Variants in C18orf63 observed in about 807,000 individuals in gnomAD.
C18orf63 encodes chromosome 18 open reading frame 63, also known as uncharacterized protein C18orf63.
Under a neutral mutation model 75.3 loss-of-function variants are expected in C18orf63, and 50 were observed. The ratio of observed to expected loss-of-function variants is 0.66; its 90% CI spans 0.53 to 0.84. C18orf63 has a LOEUF of 0.84. Ranked by LOEUF, C18orf63 falls within the 40% of genes least tolerant of loss-of-function variation. The pLI is 0.00. For missense variants in C18orf63, 732 were observed against 800.2 expected, an observed-to-expected ratio of 0.91 and a Z score of 1.03; for synonymous variants, 232 against 267.6, an observed-to-expected ratio of 0.87 and a Z score of 1.30.
chr18:74,351,834 A>C (rs1470454138), intron 11 of C18orf63, among the ~76,000 whole-genome samples: 1 of 152,224 alleles, frequency 6.6e-6, no homozygotes. Context: ...AAAACCAGTC[A>C]TTCAAGTTTG....
chr18:74,342,006 T>G, intron 8 of C18orf63, 26 bp from the exon 9 acceptor site: 1 of 1,191,762 alleles, frequency 8.4e-7, no homozygotes, highest in Non-Finnish European at 1.2e-6. Context: ...CATTGGCTCA[T>G]AATAGCTTCC....
In C18orf63 at chr18:74,353,521, T is replaced by G. The variant is rs1447939764; in HGVS notation, c.1254T>G (p.Thr418=). The change falls in exon 12 of 14, where the codon ACT becomes ACG. Residue 418 remains threonine (T), a synonymous_variant. Transcript: ENST00000579455. ...TATTAATGCCCAACAGAGGAAATAC[T>G]CAAGTTCAGCACACAAATCTTAGCT... ...SEVLMPNRGN[T]QVQHTNLSSQ... is the part of the protein sequence containing the mutation. 6.5e-7 allele frequency: 1 copy of G among 1,536,602 alleles called. No homozygotes were observed. Among genetic ancestry groups the G allele is most frequent in the Admixed American group, 2.0e-5 (1 of 50,994 alleles).
At chr18:74,332,519 A>G (rs1402361779) in intron 7 of C18orf63, among the ~76,000 whole-genome samples, 1 of 152,126 alleles carries the variant, frequency 6.6e-6, no homozygotes, top group African/African-American at 2.4e-5. Context: ...CCTGGCCAAA[A>G]TGGTGTAACC....
intron 11 of C18orf63, among the ~76,000 whole-genome samples, chr18:74,351,901 A>T (rs1402909284): frequency 6.6e-6 from 1 of 152,206 alleles, no homozygotes; most frequent in Non-Finnish European, 1.5e-5. Flanking sequence ...CTGTGTTTTG[A>T]TGGGGAAAGT....
In C18orf63 at chr18:74,330,902, T is replaced by C. The variant is rs1470497146; in HGVS notation, c.461T>C (p.Leu154Pro). The change falls in exon 7 of 14, where the codon CTA (leucine) becomes CCA (proline). Residue 154 changes from leucine (L) to proline (P), a missense_variant. By Grantham distance (98) the Leu-to-Pro change is moderately conservative. This residue lies in a region of C18orf63 where 233 missense variants were observed against 272.7 expected (regional missense o/e 0.85). Transcript: ENST00000579455. ...NINVTETQVC[L>P]SIEACTIRLP... The stretch of plus-strand genomic sequence containing the variant: ...AATGTAACAGAAACTCAAGTTTGTC[T>C]AAGTATAGAAGCTTGCACAATCAGA... The C allele has an allele frequency of 6.8e-7, 1 of 1,480,780 alleles. No individual in the cohort carries two copies. Among genetic ancestry groups the C allele is most frequent in the East Asian group, 2.6e-5 (1 of 39,152 alleles). The allele number at this position is 1,480,780 out of a possible 1,614,324, so 91.7% of individuals were successfully genotyped here.
At chr18:74,331,869 G>A (rs141426429) in intron 7 of C18orf63, among the ~76,000 whole-genome samples, 131 of 152,228 alleles carry the variant, frequency 8.6e-4, no homozygotes, top group African/African-American at 3.0e-3. Flanking sequence ...TACCTCTTAT[G>A]TGGATAAGTA....
chr18:74,358,337 T>A lies in C18orf63; in HGVS notation c.*1890T>A, dbSNP rs1276152793. The A allele has an allele frequency of 6.6e-6, 1 of 152,116 alleles. No homozygotes were observed. The highest frequency in any genetic ancestry group is 1.5e-5 in the Non-Finnish European group (1 of 68,004). 9.4% of individuals were successfully genotyped at this position (152,116 alleles called of 1,614,324 possible). On this transcript the variant is annotated 3_prime_UTR_variant, in exon 14 of 14. Coordinates refer to ENST00000579455, the MANE Select transcript of C18orf63 (RefSeq NM_001174123.2). ...TTTGATTTTTATCTTACAATATTTA[T>A]CCTAATGAAAGTTATAAAAATATAT...
intron 7 of C18orf63, among the ~76,000 whole-genome samples, chr18:74,332,538 AC>A (rs1984326262): frequency 6.6e-6 from 1 of 152,032 alleles, no homozygotes; most frequent in African/African-American, 2.4e-5. Context: ...CCCTGTCTCT[AC>A]TAAAAATACA....
At chr18:74,323,184 CCT>C (rs1262839329) in intron 4 of C18orf63, among the ~76,000 whole-genome samples, 1 of 152,166 alleles carries the variant, frequency 6.6e-6, no homozygotes, top group African/African-American at 2.4e-5. Flanking sequence ...TTTACTGAGA[CCT>C]CTCTGTGTCT....
intron 3 of C18orf63, among the ~76,000 whole-genome samples, chr18:74,320,880 T>TATCTTAAATA (rs531808016): frequency 4.8e-4 from 73 of 152,330 alleles, no homozygotes; most frequent in African/African-American, 1.7e-3. Context: ...TAGCATGGGC[T>TATCTTAAATA]TGATACATTT....
chr18:74,341,733 C>CAAA (rs11415690), intron 8 of C18orf63, among the ~76,000 whole-genome samples: 11 of 136,524 alleles, frequency 8.1e-5, no homozygotes, highest in Non-Finnish European at 1.6e-4. Context: ...TGGTCTACCA[C>CAAA]AAAAAAAAAA....
At chr18:74,316,265 A>G (rs753037325) in intron 1 of C18orf63, among the ~76,000 whole-genome samples, 156 bp downstream of exon 1, 118 of 152,114 alleles carry the variant, frequency 7.8e-4, no homozygotes, top group Non-Finnish European at 1.6e-3. Flanking sequence ...ATGAGTCCCA[A>G]TTTTTCGGGC....
At chr18:74,329,454 T>TATTATTG (rs1270568256) in intron 6 of C18orf63, among the ~76,000 whole-genome samples, 3 of 151,964 alleles carry the variant, frequency 2.0e-5, no homozygotes, top group African/African-American at 7.3e-5. Flanking sequence ...GTATAAGACC[T>TATTATTG]TAATCAGATA....
chr18:74,320,049 T>C (rs1174188900), intron 2 of C18orf63, among the ~76,000 whole-genome samples: 1 of 152,190 alleles, frequency 6.6e-6, no homozygotes, highest in African/African-American at 2.4e-5. Flanking sequence ...AGGAGAAACT[T>C]AACGTTTTAG....
chr18:74,351,033 G>A (rs927331782), intron 11 of C18orf63, among the ~76,000 whole-genome samples: 3 of 152,124 alleles, frequency 2.0e-5, no homozygotes, highest in African/African-American at 7.2e-5. Flanking sequence ...TACCTACTTT[G>A]TTATAGCAGC....
At chr18:74,338,846 T>A in intron 8 of C18orf63, 22 bp downstream of exon 8, 1 of 1,093,110 alleles carries the variant, frequency 9.1e-7, no homozygotes, top group Non-Finnish European at 1.2e-6. Context: ...ATTTGTAATA[T>A]CTAGGGTGGG....
chr18:74,357,531 C>A lies in C18orf63; in HGVS notation c.*1084C>A, dbSNP rs1008185524. ...TTGTTGTAATATATTTAAAAGAAAC[C>A]AAAATCTTCATTGGCTATTCCACTG... On this transcript the variant is annotated 3_prime_UTR_variant, in exon 14 of 14. Coordinates refer to ENST00000579455, the MANE Select transcript of C18orf63 (RefSeq NM_001174123.2). The A allele has an allele frequency of 5.3e-5, 8 of 151,884 alleles. No individual in the cohort carries two copies. The highest frequency in any genetic ancestry group is 8.8e-5 in the Non-Finnish European group (6 of 67,946). 9.4% of individuals were successfully genotyped at this position (151,884 alleles called of 1,614,324 possible).
intron 7 of C18orf63, among the ~76,000 whole-genome samples, chr18:74,333,549 A>G (rs2145121769): frequency 6.6e-6 from 1 of 152,360 alleles, no homozygotes; most frequent in South Asian, 2.1e-4. Flanking sequence ...AGAAAAGTGC[A>G]GAGCAAAGGG....
intron 6 of C18orf63, among the ~76,000 whole-genome samples, chr18:74,329,829 T>G (rs1439139879): frequency 6.6e-6 from 1 of 152,220 alleles, no homozygotes; most frequent in African/African-American, 2.4e-5. Flanking sequence ...GATAGACACT[T>G]TCCTAAACAG....
Sources: gnomAD v4.1 joint callset for allele counts (sites outside exome capture counted in the v4.1 genomes callset) on GRCh38, gnomAD v4.1.1 for gene constraint, gnomAD v4.1.1 regional missense constraint, MANE v1.5 for transcripts, NCBI Gene and HGNC (gene_info 2026-07-23, HGNC 2026-07-21) for gene names.